The following PCDHGB5 variants were observed in gnomAD, a reference collection of about 807,000 sequenced individuals.
The protein encoded by PCDHGB5 is protocadherin gamma-B5.
In PCDHGB5, 48 loss-of-function variants were observed where a neutral mutation model predicts 62.9. That is an observed-to-expected ratio of 0.76 (90% CI 0.61 to 0.97). PCDHGB5 has a LOEUF of 0.97. Among genes scored for constraint, PCDHGB5 ranks in the 50% least tolerant of loss-of-function variants. PCDHGB5 has a pLI of 0.00. For synonymous variants in PCDHGB5, 474 were observed against 511.2 expected, an observed-to-expected ratio of 0.93 and a Z score of 0.98; for missense variants, 1,118 against 1,198.6, an observed-to-expected ratio of 0.93 and a Z score of 0.99.
Position 141,477,653 on chromosome 5 carries a change from A to C in PCDHGB5, c.2398-17154A>C. ...GCTAGTGGGTCGCTATTTCACAATA[A>C]ATCGTGACAATGGCATAGTGTCATC... On this transcript the variant is annotated intron_variant, in intron 1 of 3. Transcript: ENST00000617380. The surrounding 1 kb of genome is among the most constrained non-coding windows in gnomAD (Gnocchi z 4.9). The C allele has an allele frequency of 1.2e-6, 2 of 1,614,204 alleles. No individual in the cohort carries two copies. Among genetic ancestry groups the C allele is most frequent in the Non-Finnish European group, 1.7e-6 (2 of 1,180,036 alleles).
At chr5:141,458,727 A>G (rs1424554234) in intron 1 of PCDHGB5, among the ~76,000 whole-genome samples, 1 of 151,570 alleles carries the variant, frequency 6.6e-6, no homozygotes, top group East Asian at 1.9e-4. Flanking sequence ...TCGCCACCAC[A>G]TCCAGCTATT....
intron 1 of PCDHGB5, chr5:141,478,068 A>G (rs560968418): frequency 3.7e-6 from 6 of 1,614,134 alleles, no homozygotes; most frequent in East Asian, 4.5e-5. Flanking sequence ...ATCAAAGACA[A>G]TGGGGAGCCT....
At position 141,487,670 on chromosome 5, in the gene PCDHGB5, T is replaced by C. The variant is rs2099658277; in HGVS notation, c.2398-7137T>C. 2 of 1,612,302 alleles carry C rather than the reference T, an allele frequency of 1.2e-6. No homozygotes were observed. Among genetic ancestry groups the C allele is most frequent in the Non-Finnish European group, 1.7e-6 (2 of 1,179,082 alleles). On this transcript the variant is annotated intron_variant, in intron 1 of 3. Transcript: ENST00000617380. The surrounding 1 kb of genome is among the most constrained non-coding windows in gnomAD (Gnocchi z 5.0). The stretch of plus-strand genomic sequence containing the variant: ...TGAGGGTTATTCTGATCCAGGCATA[T>C]GGCTAGGCCATGTCCTAGAGAGTAC...
intron 1 of PCDHGB5, chr5:141,404,996 G>C (rs776423830): frequency 6.2e-7 from 1 of 1,613,974 alleles, no homozygotes; most frequent in South Asian, 1.1e-5. Context: ...TCAGATCCCT[G>C]CAGACCTGGA....
Position 141,399,868 on chromosome 5 carries a change from G to A in PCDHGB5, c.1741G>A (p.Gly581Ser), listed in dbSNP as rs1410554488. The A allele has an allele frequency of 6.2e-7, 1 of 1,612,710 alleles. No individual in the cohort carries two copies. The highest frequency in any genetic ancestry group is 1.3e-5 in the African/African-American group (1 of 74,914). The change falls in exon 1 of 4, where the codon GGC (glycine) becomes AGC (serine). Residue 581 changes from glycine to serine, a missense_variant. Coordinates refer to ENST00000617380, the MANE Select transcript of PCDHGB5 (RefSeq NM_018925.3). ...FDMVPRAAEP[G>S]YLVTKVVAVD... is the part of the protein sequence containing the mutation. ...TATGGTGCCGCGCGCTGCAGAGCCC[G>A]GCTACCTGGTGACCAAGGTAGTGGC...
At chr5:141,405,442 CAG>C in intron 1 of PCDHGB5, 1 of 1,378,150 alleles carries the variant, frequency 7.3e-7, no homozygotes, top group South Asian at 1.3e-5. Context: ...GTTTTTGAGA[CAG>C]AGTCTTACTC....
At position 141,490,148 on chromosome 5, in the gene PCDHGB5, A is replaced by G. The variant is rs2154582223; in HGVS notation, c.2398-4659A>G. The G allele has an allele frequency of 1.2e-6, 2 of 1,614,232 alleles. No homozygotes were observed. The highest frequency in any genetic ancestry group is 4.5e-5 in the East Asian group (2 of 44,888). On this transcript the variant is annotated intron_variant, in intron 1 of 3. Coordinates refer to ENST00000617380, the MANE Select transcript of PCDHGB5 (RefSeq NM_018925.3). The surrounding 1 kb of genome is among the most constrained non-coding windows in gnomAD (Gnocchi z 5.4). The stretch of plus-strand genomic sequence containing the variant: ...CTAGACCCTAGCAGTGGGGCAATCC[A>G]TGTGTTGGGTCCCATAGACTTTGAG...
chr5:141,427,103 G>A (rs1216465844), intron 1 of PCDHGB5: 3 of 457,888 alleles, frequency 6.6e-6, no homozygotes, highest in Non-Finnish European at 1.3e-5. Flanking sequence ...GTGTCAATGC[G>A]GAGATCACCT....
intron 1 of PCDHGB5, among the ~76,000 whole-genome samples, chr5:141,482,179 G>A (rs1398839482): frequency 6.6e-6 from 1 of 152,040 alleles, no homozygotes; most frequent in Non-Finnish European, 1.5e-5. Flanking sequence ...AAGGCTTTAC[G>A]ATGCTCCAGT....
intron 1 of PCDHGB5, among the ~76,000 whole-genome samples, chr5:141,452,284 C>G (rs1182155879): frequency 6.6e-6 from 1 of 152,112 alleles, no homozygotes; most frequent in Non-Finnish European, 1.5e-5. Context: ...TTCTTACTTT[C>G]TGATATAAGA....
At position 141,409,159 on chromosome 5, in the gene PCDHGB5, GGAAGC is replaced by G. The variant is rs1361879939; in HGVS notation, c.2397+8640_2397+8644del. On this transcript the variant is annotated intron_variant, in intron 1 of 3. Transcript: ENST00000617380. ...ATGTAGAAAGGTACACCATGGAAGTGGAAGCGAAGGACGGAGGTGGTCTCTCTACC... is the reference window on the plus strand; with the variant it reads ...ATGTAGAAAGGTACACCATGGAAGTGGAAGGACGGAGGTGGTCTCTCTACC... The G allele has an allele frequency of 3.1e-6, 5 of 1,614,014 alleles. 1 individual carries two copies. In the South Asian group the frequency reaches 5.5e-5, roughly 18 times the overall value.
chr5:141,404,315 G>A lies in PCDHGB5; in HGVS notation c.2397+3791G>A, dbSNP rs775576610. The A allele has an allele frequency of 9.7e-5, 157 of 1,613,768 alleles. No individual in the cohort carries two copies. Among genetic ancestry groups the A allele is most frequent in the South Asian group, 4.1e-4 (37 of 91,078 alleles). On this transcript the variant is annotated intron_variant, in intron 1 of 3. Transcript: ENST00000617380. Reference sequence around the variant, plus strand: ...TGATAATCCACCTGCTTTCTCTCAAGCCTCCTACTCAGTCTACCTCCCGGA... The same window carrying A: ...TGATAATCCACCTGCTTTCTCTCAAACCTCCTACTCAGTCTACCTCCCGGA...
intron 1 of PCDHGB5, chr5:141,428,113 T>G: frequency 3.7e-6 from 6 of 1,607,492 alleles, no homozygotes; most frequent in Non-Finnish European, 5.1e-6. Context: ...CTGCAGGCCA[T>G]CGAGCCCGGG....
At chr5:141,406,244 G>C (rs1214749681) in intron 1 of PCDHGB5, among the ~76,000 whole-genome samples, 1 of 151,936 alleles carries the variant, frequency 6.6e-6, no homozygotes, top group Non-Finnish European at 1.5e-5. Context: ...ATGTTGCCCA[G>C]ACTGGTCTCA....
At chr5:141,441,948 G>A in intron 1 of PCDHGB5, 1 of 332,472 alleles carries the variant, frequency 3.0e-6, no homozygotes, top group Non-Finnish European at 5.8e-6. Flanking sequence ...ACGTGCTGCA[G>A]GCCAGCAAGC....
At chr5:141,495,804 T>G (rs894259635) in intron 2 of PCDHGB5, among the ~76,000 whole-genome samples, 1 of 152,168 alleles carries the variant, frequency 6.6e-6, no homozygotes, top group South Asian at 2.1e-4. Flanking sequence ...TTTCACCGTT[T>G]CCTAGCGCCT....
intron 1 of PCDHGB5, among the ~76,000 whole-genome samples, chr5:141,453,823 G>A (rs2154564414): frequency 6.6e-6 from 1 of 152,250 alleles, no homozygotes; most frequent in South Asian, 2.1e-4. Flanking sequence ...GACAAACTTG[G>A]CTGCTAGCCC....
At chr5:141,472,980 C>CAAAAAAAAAAAAAAAAGAAAA (rs2099308501) in intron 1 of PCDHGB5, among the ~76,000 whole-genome samples, 1 of 86,106 alleles carries the variant, frequency 1.2e-5, no homozygotes, top group Non-Finnish European at 2.5e-5. Context: ...GAGTGAAACT[C>CAAAAAAAAAAAAAAAAGAAAA]AAAAAAAAAA....
chr5:141,429,534 A>G (rs1036595279), intron 1 of PCDHGB5, among the ~76,000 whole-genome samples: 1 of 152,222 alleles, frequency 6.6e-6, no homozygotes. Context: ...GCTTAAAAAA[A>G]TAAGAACATG....
Sources: allele counts gnomAD v4.1 joint callset (sites outside exome capture counted in the v4.1 genomes callset), GRCh38; gene constraint gnomAD v4.1.1; non-coding constraint Gnocchi (gnomAD v3.1); transcripts MANE v1.5; gene names NCBI Gene and HGNC (gene_info 2026-07-23, HGNC 2026-07-21).